Variants in SH3BP4 observed in about 807,000 individuals in gnomAD.
The protein encoded by SH3BP4 is SH3 domain binding protein 4.
SH3BP4 carries 33 observed loss-of-function variants against 65.5 expected under a neutral mutation model. That is an observed-to-expected ratio of 0.50 (90% CI 0.38 to 0.67). The LOEUF (loss-of-function observed/expected upper bound fraction) is 0.67. Ranked by LOEUF, SH3BP4 falls within the 30% of genes least tolerant of loss-of-function variation. SH3BP4 has a pLI of 0.00. For synonymous variants in SH3BP4, 552 were observed against 545.5 expected, an observed-to-expected ratio of 1.01 and a Z score of -0.17; for missense variants, 1,134 against 1,261.4, an observed-to-expected ratio of 0.90 and a Z score of 1.53.
intron 1 of SH3BP4, among the ~76,000 whole-genome samples, chr2:234,962,394 T>TC (rs1236947236): frequency 2.0e-5 from 3 of 152,140 alleles, no homozygotes; most frequent in Admixed American, 6.5e-5. Flanking sequence ...CGCCTTGGCC[T>TC]CCCAAAGTGC....
In SH3BP4 at chr2:235,033,562, T is replaced by C. The variant is rs1695271876; in HGVS notation, c.-132-1309T>C. Among the ~76,000 whole-genome samples, 1 of 152,218 alleles carries C rather than the reference T, an allele frequency of 6.6e-6. No individual in the cohort carries two copies. The highest frequency in any genetic ancestry group is 6.5e-5 in the Admixed American group (1 of 15,284). On this transcript the variant is annotated intron_variant, in intron 2 of 5. Coordinates refer to ENST00000392011, the MANE Select transcript of SH3BP4 (RefSeq NM_014521.3). The surrounding 1 kb of genome is among the most constrained non-coding windows in gnomAD (Gnocchi z 5.7). ...CTTGAGATGGAAAGGACGCCTCCCTTGAGCCACTATCCGCCGGTCACTGGG... is the reference window on the plus strand; with the variant it reads ...CTTGAGATGGAAAGGACGCCTCCCTCGAGCCACTATCCGCCGGTCACTGGG...
rs1177869671 is a variant in SH3BP4, at chr2:235,033,954, G to T, written c.-132-917G>T. On this transcript the variant is annotated intron_variant, in intron 2 of 5. Transcript: ENST00000392011. This position sits in a 1 kb window ranked among gnomAD's most constrained non-coding sequence, Gnocchi z 5.7. ...GCCCAGTTATATAGGGGTGAGATTT[G>T]CCTGCTCAGAGCTCTAAGTACTGTG... Among the ~76,000 whole-genome samples, 1 of 152,162 alleles carries T rather than the reference G, an allele frequency of 6.6e-6. No homozygotes were observed. The highest frequency in any genetic ancestry group is 1.5e-5 in the Non-Finnish European group (1 of 68,022).
At position 234,983,842 on chromosome 2, in the gene SH3BP4, C is replaced by G. The variant is rs555978562; in HGVS notation, c.-206-11461C>G. On this transcript the variant is annotated intron_variant, in intron 1 of 5. Coordinates refer to ENST00000392011, the MANE Select transcript of SH3BP4 (RefSeq NM_014521.3). ...GCAGGAAAGGGCAGGGCCACAGAAG[C>G]AGCTCACCCCCTCGGAGCCTCCAGA... 2.6e-5 allele frequency among the ~76,000 whole-genome samples: 4 copies of G among 152,368 alleles called. No individual in the cohort carries two copies. In the South Asian group the frequency reaches 8.3e-4, roughly 32 times the overall value.
intron 2 of SH3BP4, among the ~76,000 whole-genome samples, chr2:235,016,380 G>GTGTTGTACTGGGTGTGCTGCA (rs1694684255): frequency 6.6e-6 from 1 of 152,038 alleles, no homozygotes; most frequent in African/African-American, 2.4e-5. Flanking sequence ...GGTGTGCTGC[G>GTGTTGTACTGGGTGTGCTGCA]GTGTTGTACT....
chr2:235,006,084 G>T (rs1459112453), intron 2 of SH3BP4, among the ~76,000 whole-genome samples: 3 of 152,238 alleles, frequency 2.0e-5, no homozygotes, highest in Non-Finnish European at 4.4e-5. Context: ...GCATGGTGCT[G>T]GGCTGGCTGG....
rs114583653 is a variant in SH3BP4 at position 235,031,811 on chromosome 2, G to A, written c.-132-3060G>A. Among the ~76,000 whole-genome samples the A allele has an allele frequency of 5.3e-3, 810 of 152,290 alleles. 9 individuals are homozygous for A. Among genetic ancestry groups the A allele is most frequent in the African/African-American group, 0.018 (730 of 41,568 alleles). On this transcript the variant is annotated intron_variant, in intron 2 of 5. Coordinates refer to ENST00000392011, the MANE Select transcript of SH3BP4 (RefSeq NM_014521.3). Reference sequence around the variant, plus strand: ...TCTCCAGGTAACAGTTCCTGTTACCGCCCTAGGCCCCACCAGGGCTGGCGA... The same window carrying A: ...TCTCCAGGTAACAGTTCCTGTTACCACCCTAGGCCCCACCAGGGCTGGCGA...
intron 4 of SH3BP4, among the ~76,000 whole-genome samples, chr2:235,051,561 A>T (rs1696054832): frequency 6.6e-6 from 1 of 152,088 alleles, no homozygotes; most frequent in Non-Finnish European, 1.5e-5. Flanking sequence ...GACACAGTAG[A>T]AAGTTCTTGC....
chr2:235,041,015 C>G lies in SH3BP4; in HGVS notation c.246C>G (p.Leu82=). 7.4e-6 allele frequency: 12 copies of G among 1,614,204 alleles called. No individual in the cohort carries two copies. Among genetic ancestry groups the G allele is most frequent in the Non-Finnish European group, 1.0e-5 (12 of 1,180,030 alleles). Residue 82 remains leucine, a synonymous_variant, in exon 4 of 6, where the codon CTC becomes CTG. Transcript: ENST00000392011. This position sits in a 1 kb window ranked among gnomAD's most constrained non-coding sequence, Gnocchi z 6.0. ...TTLKFSKGDH[L]YVLDTSGGEW... is the part of the protein sequence containing the mutation. ...TGAAGTTCTCCAAGGGCGACCATCT[C>G]TACGTCTTGGACACATCTGGCGGTG...
In SH3BP4 at chr2:235,053,910, G is replaced by T. The variant is rs1696145432; in HGVS notation, c.*94G>T. The stretch of plus-strand genomic sequence containing the variant: ...CGCGGAGCTGAAGAGGGAGGAAGGG[G>T]CGGCTGCTCAGACAGATTTAGGGCC... On this transcript the variant is annotated 3_prime_UTR_variant, in exon 6 of 6. Transcript: ENST00000392011. The T allele has an allele frequency of 2.9e-6, 3 of 1,033,186 alleles. No homozygotes were observed. The highest frequency in any genetic ancestry group is 3.2e-5 in the African/African-American group (2 of 63,228). 64.0% of individuals were successfully genotyped at this position (1,033,186 alleles called of 1,614,324 possible).
intron 2 of SH3BP4, among the ~76,000 whole-genome samples, chr2:235,009,145 C>A (rs150273377): frequency 6.6e-6 from 1 of 152,326 alleles, no homozygotes; most frequent in African/African-American, 2.4e-5. Context: ...TACTTGCCTC[C>A]TAGCACCTGA....
intron 1 of SH3BP4, among the ~76,000 whole-genome samples, chr2:234,954,268 G>A (rs1330037578): frequency 6.6e-6 from 1 of 152,072 alleles, no homozygotes; most frequent in Non-Finnish European, 1.5e-5. Flanking sequence ...AGGCCCAGGT[G>A]GGGAGAGGTA....
At chr2:235,029,087 G>A (rs561355970) in intron 2 of SH3BP4, among the ~76,000 whole-genome samples, 1 of 152,248 alleles carries the variant, frequency 6.6e-6, no homozygotes, top group Non-Finnish European at 1.5e-5. Flanking sequence ...CAGGCCGCAG[G>A]CAGGCCTGCT....
At chr2:234,969,288 G>A (rs1040222478) in intron 1 of SH3BP4, among the ~76,000 whole-genome samples, 2 of 152,120 alleles carry the variant, frequency 1.3e-5, no homozygotes, top group Admixed American at 6.5e-5. Context: ...TCTGATCTGC[G>A]GGTGGCTTTG....
intron 1 of SH3BP4, among the ~76,000 whole-genome samples, chr2:234,955,513 C>T (rs944025450): frequency 6.6e-6 from 1 of 152,126 alleles, no homozygotes; most frequent in Non-Finnish European, 1.5e-5. Context: ...CTGATCCCAC[C>T]GTGACCTCGC....
rs1190838438 is a variant in SH3BP4, at chr2:235,052,717, C to T, written c.2634C>T (p.Pro878=). The T allele has an allele frequency of 6.2e-7, 1 of 1,604,934 alleles. No individual in the cohort carries two copies. The highest frequency in any genetic ancestry group is 1.1e-5 in the South Asian group (1 of 89,058). The change falls in exon 5 of 6, where the codon CCC becomes CCT. Residue 878 remains proline (P), a synonymous_variant. Transcript: ENST00000392011. The surrounding 1 kb of genome is among the most constrained non-coding windows in gnomAD (Gnocchi z 5.0). ...AGCAGATGGACGCCTACGAGTCTCCCCACCGGGACAGGAACGGGGTTGTGG... is the reference window on the plus strand; with the variant it reads ...AGCAGATGGACGCCTACGAGTCTCCTCACCGGGACAGGAACGGGGTTGTGG... ...SKQQMDAYES[P]HRDRNGVVDS...
At chr2:234,962,983 C>T (rs1692749273) in intron 1 of SH3BP4, among the ~76,000 whole-genome samples, 1 of 152,196 alleles carries the variant, frequency 6.6e-6, no homozygotes, top group Non-Finnish European at 1.5e-5. Flanking sequence ...CTCCTGATCC[C>T]AAGCGATCCA....
rs1418173028 is a variant in SH3BP4 at position 235,052,564 on chromosome 2, C to G, written c.2481C>G (p.Ala827=). Reference sequence around the variant, plus strand: ...GCTGTGTGCCTCTTCCTCTGCAGGCCCTACTGAAGATGGACTGCCAGGGCC... The same window carrying G: ...GCTGTGTGCCTCTTCCTCTGCAGGCGCTACTGAAGATGGACTGCCAGGGCC... The part of the protein sequence containing the change: ...RKSFQKELVM[A]LLKMDCQGLV... The change falls in exon 5 of 6, where the codon GCC becomes GCG. Residue 827 remains alanine, a splice_region_variant and synonymous_variant. Transcript: ENST00000392011. The surrounding 1 kb of genome is among the most constrained non-coding windows in gnomAD (Gnocchi z 5.0). 3 of 1,546,958 alleles carry G rather than the reference C, an allele frequency of 1.9e-6. No individual in the cohort carries two copies. The African/African-American group carries it at 4.1e-5, about 21-fold the overall frequency.
chr2:235,020,246 C>T (rs1045425010), intron 2 of SH3BP4, among the ~76,000 whole-genome samples: 1 of 152,206 alleles, frequency 6.6e-6, no homozygotes, highest in African/African-American at 2.4e-5. Context: ...CCTATAATCC[C>T]AGCACTTTGG....
At chr2:234,981,403 C>T (rs1216923048) in intron 1 of SH3BP4, among the ~76,000 whole-genome samples, 1 of 152,156 alleles carries the variant, frequency 6.6e-6, no homozygotes, top group Non-Finnish European at 1.5e-5. Flanking sequence ...TTTGGAGAGC[C>T]TCGTTCAGTG....
Sources: gnomAD v4.1 joint callset for allele counts (sites outside exome capture counted in the v4.1 genomes callset) on GRCh38, gnomAD v4.1.1 for gene constraint, Gnocchi (gnomAD v3.1) non-coding constraint, MANE v1.5 for transcripts, NCBI Gene and HGNC (gene_info 2026-07-23, HGNC 2026-07-21) for gene names.